CDKN2AIPNL: variants seen among roughly 807,000 people sequenced by gnomAD.
CDKN2AIPNL encodes the protein XRN2 binding domain containing 1, also known as CDKN2AIP N-terminal-like protein.
A neutral mutation model predicts 12.9 loss-of-function variants in CDKN2AIPNL; 9 were observed. The observed-to-expected ratio is 0.70, with a 90% confidence interval of 0.42 to 1.22. The LOEUF is 1.22. Among genes scored for constraint, CDKN2AIPNL ranks in the 50% most tolerant of loss-of-function variants. CDKN2AIPNL has a pLI of 0.00. For synonymous variants in CDKN2AIPNL, 53 were observed against 61.7 expected (o/e 0.86, Z 0.66); for missense variants, 143 against 153.6 (o/e 0.93, Z 0.37).
intron 2 of CDKN2AIPNL, among the ~76,000 whole-genome samples, chr5:134,409,329 C>T (rs1195773381): frequency 1.3e-5 from 2 of 152,108 alleles, no homozygotes; most frequent in African/African-American, 4.8e-5. Context: ...GCTGGGATGC[C>T]CAGCTCCATA....
At chr5:134,402,949 GGTTA>G (rs1458577272) in intron 2 of CDKN2AIPNL, 23 bp from the exon 3 acceptor site, 1 of 1,599,660 alleles carries the variant, frequency 6.3e-7, no homozygotes, top group African/African-American at 1.3e-5. Flanking sequence ...GAAAAGAAAA[GGTTA>G]CATAACCATG....
At chr5:134,411,565 T>A in intron 1 of CDKN2AIPNL, 51 bp downstream of exon 1, 2 of 1,517,162 alleles carry the variant, frequency 1.3e-6, no homozygotes, top group East Asian at 4.5e-5. Flanking sequence ...GGAGAGGCCT[T>A]GAGGGTCGGA....
At chr5:134,405,650 C>T (rs1357551056) in intron 2 of CDKN2AIPNL, among the ~76,000 whole-genome samples, 13 of 148,398 alleles carry the variant, frequency 8.8e-5, no homozygotes, top group Admixed American at 2.7e-4. Flanking sequence ...CTCCTGACCT[C>T]GTGACCTGCC....
At position 134,405,111 on chromosome 5, in the gene CDKN2AIPNL, T is replaced by A. The variant is rs1392846724; in HGVS notation, c.340-2185A>T. ...TTCAAATTTCATCGTCATTTTTCTT[T>A]TTTTTTTTTTTTGAGACGGAGTCCC... On this transcript the variant is annotated intron_variant, in intron 2 of 2. Coordinates refer to ENST00000458198, the MANE Select transcript of CDKN2AIPNL (RefSeq NM_080656.3). 8.8e-5 allele frequency among the ~76,000 whole-genome samples: 13 copies of A among 147,980 alleles called. No individual in the cohort carries two copies. In the East Asian group the frequency reaches 2.2e-3, roughly 25 times the overall value.
chr5:134,405,795 T>C (rs1407078347), intron 2 of CDKN2AIPNL, among the ~76,000 whole-genome samples: 1 of 152,338 alleles, frequency 6.6e-6, no homozygotes, highest in East Asian at 1.9e-4. Context: ...GTAAATTAGG[T>C]TGACAGCTTC....
chr5:134,407,993 T>G (rs911265430), intron 2 of CDKN2AIPNL, among the ~76,000 whole-genome samples: 8 of 151,934 alleles, frequency 5.3e-5, no homozygotes, highest in African/African-American at 1.9e-4. Context: ...TAGCTGGGTA[T>G]GGTGGCACCC....
chr5:134,408,258 A>G (rs1386653491), intron 2 of CDKN2AIPNL, among the ~76,000 whole-genome samples: 1 of 152,104 alleles, frequency 6.6e-6, no homozygotes, highest in East Asian at 1.9e-4. Context: ...CAAGAACCTT[A>G]CTATAGAACA....
intron 2 of CDKN2AIPNL, among the ~76,000 whole-genome samples, chr5:134,406,696 T>C (rs999063716): frequency 3.9e-5 from 6 of 152,110 alleles, no homozygotes; most frequent in African/African-American, 1.4e-4. Flanking sequence ...CTGGGGAACA[T>C]AGCAAAACCC....
At chr5:134,409,783 G>T (rs1581335709) in intron 2 of CDKN2AIPNL, 120 bp downstream of exon 2, 3 of 602,986 alleles carry the variant, frequency 5.0e-6, no homozygotes, top group East Asian at 2.9e-5. Context: ...AAATGAAAGG[G>T]TATAGGTCTT....
chr5:134,403,504 C>T (rs932880868), intron 2 of CDKN2AIPNL, among the ~76,000 whole-genome samples: 2 of 152,190 alleles, frequency 1.3e-5, no homozygotes, highest in African/African-American at 4.8e-5. Context: ...ATCACTTTGG[C>T]TGTCACCTTG....
intron 2 of CDKN2AIPNL, among the ~76,000 whole-genome samples, chr5:134,405,187 G>C (rs1759084193): frequency 6.8e-6 from 1 of 146,474 alleles, no homozygotes; most frequent in Non-Finnish European, 1.5e-5. Flanking sequence ...CTCACTGCAA[G>C]CTCCGCCTCC....
chr5:134,405,154 G>A (rs1759083702), intron 2 of CDKN2AIPNL, among the ~76,000 whole-genome samples: 2 of 145,340 alleles, frequency 1.4e-5, no homozygotes, highest in Non-Finnish European at 3.0e-5. Flanking sequence ...AGCCCAGGCC[G>A]GATTGCAGTG....
intron 2 of CDKN2AIPNL, among the ~76,000 whole-genome samples, chr5:134,404,958 G>A (rs1759080970): frequency 6.7e-6 from 1 of 149,968 alleles, no homozygotes; most frequent in Non-Finnish European, 1.5e-5. Flanking sequence ...GCTAATTTTT[G>A]TATTTTTAGT....
rs151156441 is a variant in CDKN2AIPNL at position 134,403,094 on chromosome 5, A to G, written c.340-168T>C. 7.2e-5 allele frequency among the ~76,000 whole-genome samples: 11 copies of G among 152,360 alleles called. 1 individual carries two copies. The East Asian group carries it at 1.9e-3, about 27-fold the overall frequency. On this transcript the variant is annotated intron_variant, in intron 2 of 2. Transcript: ENST00000458198. The stretch of plus-strand genomic sequence containing the variant: ...CAACATACAGAAAATTCAGCAAAAC[A>G]TTGACCACAGCATCCATTTGGAAGC...
rs1242435232 is a variant in CDKN2AIPNL at position 134,410,916 on chromosome 5, A to T, written c.239+700T>A. The T allele has an allele frequency of 6.1e-6, 4 of 659,068 alleles. No individual in the cohort carries two copies. The African/African-American group carries it at 7.2e-5, about 12-fold the overall frequency. The allele number at this position is 659,068 out of a possible 1,614,324, so 40.8% of individuals were successfully genotyped here. A position where few individuals can be genotyped will look rare whatever the true frequency, so the allele number is the denominator to read the frequency against. The stretch of plus-strand genomic sequence containing the variant: ...TCAAGATTTGCCACCTTCCTCATGG[A>T]GGGGTGAAAGGAATGCCTTATCAGG... On this transcript the variant is annotated intron_variant, in intron 1 of 2. Coordinates refer to ENST00000458198, the MANE Select transcript of CDKN2AIPNL (RefSeq NM_080656.3).
chr5:134,402,686 G>A lies in CDKN2AIPNL; in HGVS notation c.*229C>T, dbSNP rs1759045680. The A allele has an allele frequency of 4.8e-6, 2 of 417,624 alleles. No homozygotes were observed. The highest frequency in any genetic ancestry group is 8.4e-5 in the Admixed American group (2 of 23,756). 25.9% of individuals were successfully genotyped at this position (417,624 alleles called of 1,614,324 possible). The stretch of plus-strand genomic sequence containing the variant: ...AATGTTGATGAACTCATCTTAGAGT[G>A]CATGATTTATAAATACATAAATATC... On this transcript the variant is annotated 3_prime_UTR_variant, in exon 3 of 3. Coordinates refer to ENST00000458198, the MANE Select transcript of CDKN2AIPNL (RefSeq NM_080656.3).
chr5:134,404,804 T>C (rs1759076483), intron 2 of CDKN2AIPNL, among the ~76,000 whole-genome samples: 1 of 152,154 alleles, frequency 6.6e-6, no homozygotes, highest in Non-Finnish European at 1.5e-5. Flanking sequence ...TTTCTTTTTT[T>C]TGAAACAGTC....
intron 2 of CDKN2AIPNL, among the ~76,000 whole-genome samples, chr5:134,404,888 C>T (rs914170933): frequency 2.6e-5 from 4 of 152,228 alleles, no homozygotes; most frequent in Non-Finnish European, 5.9e-5. Context: ...CAGGCTCAAG[C>T]GATTCTCTTG....
intron 2 of CDKN2AIPNL, among the ~76,000 whole-genome samples, chr5:134,403,424 T>C (rs1413081708): frequency 6.6e-6 from 1 of 152,270 alleles, no homozygotes; most frequent in Non-Finnish European, 1.5e-5. Flanking sequence ...CTATTCTTTC[T>C]GGTTACTCTC....
Sources: gnomAD v4.1 joint callset for allele counts (sites outside exome capture counted in the v4.1 genomes callset) on GRCh38, gnomAD v4.1.1 for gene constraint, MANE v1.5 for transcripts, NCBI Gene and HGNC (gene_info 2026-07-23, HGNC 2026-07-21) for gene names.